Variants in CNTNAP5 observed in about 807,000 individuals in gnomAD.
CNTNAP5 encodes contactin associated protein family member 5, also known as contactin-associated protein-like 5.
In CNTNAP5, 72 loss-of-function variants were observed where a neutral mutation model predicts 150.2. The observed-to-expected ratio is 0.48, with a 90% CI of 0.40 to 0.58. The LOEUF is 0.58. CNTNAP5 is among the 20% of genes least tolerant of loss of function. CNTNAP5 has a pLI of 0.00. For synonymous variants in CNTNAP5, 672 were observed against 619.8 expected, an observed-to-expected ratio of 1.08 and a Z score of -1.25; for missense variants, 1,636 against 1,626.2, an observed-to-expected ratio of 1.01 and a Z score of -0.10.
chr2:124,281,528 C>A (rs1688011329), intron 3 of CNTNAP5, among the ~76,000 whole-genome samples: 1 of 152,088 alleles, frequency 6.6e-6, no homozygotes, highest in South Asian at 2.1e-4. Context: ...GTGAGTAATT[C>A]TTTTCTCAAA....
intron 3 of CNTNAP5, among the ~76,000 whole-genome samples, chr2:124,264,622 G>T (rs573970849): frequency 2.0e-5 from 3 of 152,256 alleles, no homozygotes; most frequent in South Asian, 4.1e-4. Flanking sequence ...CTGAAATTAG[G>T]TTGTCAGTGG....
chr2:124,726,000 G>GTA (rs1210401368), intron 13 of CNTNAP5, among the ~76,000 whole-genome samples: 3 of 152,054 alleles, frequency 2.0e-5, no homozygotes, highest in African/African-American at 4.8e-5. Flanking sequence ...ATATGTATGT[G>GTA]TATATATATG....
chr2:124,531,177 A>G (rs1311917321), intron 10 of CNTNAP5, among the ~76,000 whole-genome samples: 3 of 152,014 alleles, frequency 2.0e-5, no homozygotes, highest in African/African-American at 7.2e-5. Flanking sequence ...GGAGTGTGCA[A>G]CCTGGATCCC....
At chr2:124,084,998 C>T (rs769370127) in intron 1 of CNTNAP5, among the ~76,000 whole-genome samples, 2 of 128,464 alleles carry the variant, frequency 1.6e-5, no homozygotes, top group Non-Finnish European at 3.1e-5. Context: ...CTCGGCTCAC[C>T]GCAAACTCTG....
intron 17 of CNTNAP5, among the ~76,000 whole-genome samples, chr2:124,776,210 C>A (rs562183725): frequency 1.3e-5 from 2 of 152,196 alleles, no homozygotes; most frequent in African/African-American, 4.8e-5. Context: ...GAGTGGAAAT[C>A]TTGTGAAGAT....
rs778361514 is a variant in CNTNAP5 at position 124,417,506 on chromosome 2, G to A, written c.445G>A (p.Ala149Thr). ...VHHKLLHSVR[A>T]RFVRFVPLEW... ...CCACAAGCTATTGCACTCAGTGAGA[G>A]CCCGATTTGTTCGCTTTGTGCCCCT... The change falls in exon 4 of 24, where the codon GCC becomes ACC. Residue 149 changes from alanine (A) to threonine (T), a missense_variant. Coordinates refer to ENST00000682447, the MANE Select transcript of CNTNAP5 (RefSeq NM_001367498.1). 5.6e-6 allele frequency: 9 copies of A among 1,613,866 alleles called. No homozygotes were observed. Among genetic ancestry groups the A allele is most frequent in the Non-Finnish European group, 7.6e-6 (9 of 1,179,868 alleles).
intron 1 of CNTNAP5, among the ~76,000 whole-genome samples, chr2:124,049,886 A>G (rs1350968465): frequency 6.6e-6 from 1 of 152,158 alleles, no homozygotes; most frequent in Non-Finnish European, 1.5e-5. Flanking sequence ...GTTTATAGAT[A>G]GAAACTTCTT....
intron 13 of CNTNAP5, among the ~76,000 whole-genome samples, chr2:124,720,411 G>C (rs941819402): frequency 1.3e-5 from 2 of 152,020 alleles, no homozygotes; most frequent in African/African-American, 4.8e-5. Context: ...GACACGTCTG[G>C]TTGCTTCTCT....
intron 7 of CNTNAP5, among the ~76,000 whole-genome samples, chr2:124,480,475 A>T (rs961504578): frequency 1.3e-5 from 2 of 152,172 alleles, no homozygotes; most frequent in Non-Finnish European, 2.9e-5. Flanking sequence ...TGTAAGAGAT[A>T]AGGGTGGACA....
intron 11 of CNTNAP5, among the ~76,000 whole-genome samples, chr2:124,605,497 T>G (rs1357193804): frequency 1.3e-5 from 2 of 152,086 alleles, no homozygotes; most frequent in Non-Finnish European, 2.9e-5. Flanking sequence ...AATTATCTTG[T>G]TTTCATTTTC....
At chr2:124,899,094 G>C (rs1416634410) in intron 21 of CNTNAP5, among the ~76,000 whole-genome samples, 1 of 151,382 alleles carries the variant, frequency 6.6e-6, no homozygotes, top group African/African-American at 2.5e-5. Context: ...TAAACATCTT[G>C]ACTTAGCCAT....
intron 12 of CNTNAP5, among the ~76,000 whole-genome samples, chr2:124,631,970 C>A (rs1050365127): frequency 1.3e-5 from 2 of 152,154 alleles, no homozygotes; most frequent in African/African-American, 2.4e-5. Context: ...TAAAGCTCAA[C>A]ATCACTGATC....
chr2:124,203,212 G>A (rs189572156), intron 1 of CNTNAP5, among the ~76,000 whole-genome samples: 101 of 152,208 alleles, frequency 6.6e-4, no homozygotes, highest in Middle Eastern at 3.4e-3. Flanking sequence ...GAATCAAATC[G>A]TAAAACTTCA....
intron 1 of CNTNAP5, among the ~76,000 whole-genome samples, chr2:124,201,418 G>A (rs59071379): frequency 0.015 from 2,316 of 152,296 alleles, 70 homozygotes; most frequent in African/African-American, 0.053. Context: ...AGCCATATCC[G>A]TTATGTATGA....
At chr2:124,776,448 T>C (rs979146997) in intron 17 of CNTNAP5, among the ~76,000 whole-genome samples, 1 of 152,146 alleles carries the variant, frequency 6.6e-6, no homozygotes, top group Non-Finnish European at 1.5e-5. Flanking sequence ...AAGGGAATTA[T>C]TACTCCTATT....
chr2:124,753,108 G>A lies in CNTNAP5; in HGVS notation c.2234+5723G>A, dbSNP rs143451897. 1.4e-3 allele frequency among the ~76,000 whole-genome samples: 214 copies of A among 152,132 alleles called. 2 individuals carry two copies. Among genetic ancestry groups the A allele is most frequent in the African/African-American group, 4.2e-3 (174 of 41,514 alleles). The stretch of plus-strand genomic sequence containing the variant: ...TTAGTAACTCTGTTCTTTGCCTCTC[G>A]CCCTTAGTGTACCCTTGTATAAAGT... On this transcript the variant is annotated intron_variant, in intron 14 of 23. Coordinates refer to ENST00000682447, the MANE Select transcript of CNTNAP5 (RefSeq NM_001367498.1).
intron 17 of CNTNAP5, among the ~76,000 whole-genome samples, chr2:124,780,976 A>G (rs1352965700): frequency 6.6e-6 from 1 of 152,138 alleles, no homozygotes; most frequent in Non-Finnish European, 1.5e-5. Flanking sequence ...CTCTTTTCCT[A>G]CTATCTCACC....
At chr2:124,135,015 C>T (rs10496628) in intron 1 of CNTNAP5, 53,488 of 151,966 alleles carry the variant, frequency 0.35, 9,561 homozygotes, top group East Asian at 0.52. Context: ...AAGGTATGCC[C>T]ATGTGGCTAG....
intron 18 of CNTNAP5, among the ~76,000 whole-genome samples, chr2:124,791,068 A>G (rs147099323): frequency 2.3e-3 from 349 of 152,364 alleles, no homozygotes; most frequent in African/African-American, 7.9e-3. Context: ...ATTTGCAAAC[A>G]AACAATCAGA....
Sources: gnomAD v4.1 joint callset for allele counts (sites outside exome capture counted in the v4.1 genomes callset) on GRCh38, gnomAD v4.1.1 for gene constraint, MANE v1.5 for transcripts, NCBI Gene and HGNC (gene_info 2026-07-23, HGNC 2026-07-21) for gene names.